RFC4: variants seen among roughly 807,000 people sequenced by gnomAD.
RFC4 encodes the protein A1 37 kDa subunit.
A neutral mutation model predicts 47.6 loss-of-function variants in RFC4; 38 were observed. The observed-to-expected ratio is 0.80, with a 90% CI of 0.62 to 1.05. The LOEUF (loss-of-function observed/expected upper bound fraction) is 1.05, where lower values mean the gene tolerates loss of function less well. RFC4 is among the 50% of genes least tolerant of loss of function. The probability of loss-of-function intolerance (pLI) is 0.00; values close to 1 mark genes in which losing one functional copy is unlikely to be tolerated. For missense variants in RFC4, 489 were observed against 434.0 expected, an observed-to-expected ratio of 1.13 and a Z score of -1.13; for synonymous variants, 164 against 150.0, an observed-to-expected ratio of 1.09 and a Z score of -0.68.
Position 186,790,068 on chromosome 3 carries a change from C to CAGA in RFC4, c.997-5_997-4insTCT. 6.2e-7 allele frequency: 1 copy of CAGA among 1,612,788 alleles called. No individual in the cohort carries two copies. The highest frequency in any genetic ancestry group is 1.1e-5 in the South Asian group (1 of 90,970). ...CTGCTAGGCATTTGTCAACTTCCTACGAGAAAAATTTAAGAAATTAGCATC... is the reference window on the plus strand; with the variant it reads ...CTGCTAGGCATTTGTCAACTTCCTACAGAGAGAAAAATTTAAGAAATTAGCATC... On this transcript the variant is annotated splice_polypyrimidine_tract_variant and splice_region_variant and intron_variant, in intron 10 of 10. Transcript: ENST00000296273.
At chr3:186,799,842 G>A (rs528709853) in intron 3 of RFC4, among the ~76,000 whole-genome samples, 1 of 151,884 alleles carries the variant, frequency 6.6e-6, no homozygotes, top group Non-Finnish European at 1.5e-5. Context: ...AATTAAAATG[G>A]TATATACTGT....
In RFC4 at chr3:186,801,109, C is replaced by T; in HGVS notation, c.210+8G>A. On this transcript the variant is annotated splice_region_variant and intron_variant, in intron 3 of 10. Transcript: ENST00000296273. ...TCCCAATGACATTAAACACCATTTG[C>T]AACTCACATCTGCTCCTTCTAAAGA... The T allele has an allele frequency of 6.2e-7, 1 of 1,603,008 alleles. No homozygotes were observed. The highest frequency in any genetic ancestry group is 8.5e-7 in the Non-Finnish European group (1 of 1,169,908).
At chr3:186,803,370 CA>C (rs1560094543) in intron 2 of RFC4, among the ~76,000 whole-genome samples, 1 of 151,616 alleles carries the variant, frequency 6.6e-6, no homozygotes, top group Non-Finnish European at 1.5e-5. Context: ...AAAAGGCAAG[CA>C]AAAAACAAAA....
rs1722017332 is a variant in RFC4, at chr3:186,789,923, T to A, written c.*46A>T. On this transcript the variant is annotated 3_prime_UTR_variant, in exon 11 of 11. Coordinates refer to ENST00000296273, the MANE Select transcript of RFC4 (RefSeq NM_002916.5). ...GGTGCTTTTGGTCATTTTATTTTTATTACAACTTCATTATTTACAAAACCC... is the reference window on the plus strand; with the variant it reads ...GGTGCTTTTGGTCATTTTATTTTTAATACAACTTCATTATTTACAAAACCC... 5 of 1,214,900 alleles carry A rather than the reference T, an allele frequency of 4.1e-6. No individual in the cohort carries two copies. Among genetic ancestry groups the A allele is most frequent in the Non-Finnish European group, 6.0e-6 (5 of 836,554 alleles). The allele number at this position is 1,214,900 out of a possible 1,614,324, so 75.3% of individuals were successfully genotyped here.
At chr3:186,797,909 G>A (rs1722275216) in intron 3 of RFC4, among the ~76,000 whole-genome samples, 1 of 152,172 alleles carries the variant, frequency 6.6e-6, no homozygotes, top group Non-Finnish European at 1.5e-5. Context: ...AAGCTGGAAT[G>A]AGAAACCTTT....
chr3:186,790,757 T>C (rs756264935), intron 8 of RFC4, among the ~76,000 whole-genome samples: 2 of 152,184 alleles, frequency 1.3e-5, no homozygotes, highest in African/African-American at 2.4e-5. Flanking sequence ...ACTGATTTCT[T>C]TAAAGGGGAA....
chr3:186,792,755 T>A, intron 6 of RFC4, 49 bp downstream of exon 6: 1 of 1,568,994 alleles, frequency 6.4e-7, no homozygotes. Flanking sequence ...CCTAATTGGG[T>A]TATGAAAATA....
chr3:186,794,919 G>T, intron 4 of RFC4, 142 bp from the exon 5 acceptor site: 1 of 884,446 alleles, frequency 1.1e-6, no homozygotes, highest in Non-Finnish European at 1.7e-6. Context: ...TTGCATTCTC[G>T]CTTCAGCAGA....
chr3:186,794,993 T>C, intron 4 of RFC4: 2 of 526,506 alleles, frequency 3.8e-6, no homozygotes. Flanking sequence ...TTACATAACA[T>C]ATACAATTTC....
chr3:186,791,795 A>C lies in RFC4; in HGVS notation c.731T>G (p.Phe244Cys). The C allele has an allele frequency of 6.2e-7, 1 of 1,611,182 alleles. No individual in the cohort carries two copies. The highest frequency in any genetic ancestry group is 8.5e-7 in the Non-Finnish European group (1 of 1,177,338). Residue 244 changes from phenylalanine to cysteine, a missense_variant, in exon 8 of 11, where the codon TTT becomes TGT. Phe to Cys is a radical substitution (Grantham distance 205). Coordinates refer to ENST00000296273, the MANE Select transcript of RFC4 (RefSeq NM_002916.5). Reference protein sequence around the residue: ...SEGDLRKAITFLQSATRLTGG... With the variant: ...SEGDLRKAITCLQSATRLTGG... ...TGTTAATCGAGTAGCGCTTTGAAGA[A>C]ATGTAATGGCTTTTCTTAAGTCTCC...
intron 1 of RFC4, among the ~76,000 whole-genome samples, chr3:186,805,142 C>T (rs977740983): frequency 2.0e-4 from 30 of 152,190 alleles, no homozygotes; most frequent in African/African-American, 7.2e-4. Context: ...ATGGACTCTT[C>T]GGCAATTAAA....
In RFC4 at chr3:186,793,097, C is replaced by G; in HGVS notation, c.411-150G>C. Reference sequence around the variant, plus strand: ...TGTTCACAAAGTTGTGCAACCATTACCACAATCTAATTTTAGAACATTTTT... The same window carrying G: ...TGTTCACAAAGTTGTGCAACCATTAGCACAATCTAATTTTAGAACATTTTT... On this transcript the variant is annotated intron_variant, in intron 5 of 10. Transcript: ENST00000296273. This position sits in a 1 kb window ranked among gnomAD's most constrained non-coding sequence, Gnocchi z 4.2. 4.4e-6 allele frequency: 3 copies of G among 676,670 alleles called. No homozygotes were observed. Among genetic ancestry groups the G allele is most frequent in the Non-Finnish European group, 7.1e-6 (3 of 420,734 alleles). The allele number at this position is 676,670 out of a possible 1,614,324, so 41.9% of individuals were successfully genotyped here.
rs140431205 is a variant in RFC4, at chr3:186,792,822, A to T, written c.536T>A (p.Ile179Asn). Residue 179 changes from isoleucine (I) to asparagine (N), a missense_variant, in exon 6 of 11, where the codon ATC (isoleucine) becomes AAC (asparagine). Ile to Asn is a moderately radical substitution (Grantham distance 149, BLOSUM62 -3). Transcript: ENST00000296273. ...TACATACCGACTGACATAGTTACAG[A>T]TAAGACAGAATCGGGTGGTTTTCGA... Reference protein sequence around the residue: ...KESKTTRFCLICNYVSRIIEP... With the variant: ...KESKTTRFCLNCNYVSRIIEP... The T allele has an allele frequency of 2.5e-6, 4 of 1,613,668 alleles. No homozygotes were observed. The African/African-American group carries it at 4.0e-5, about 16-fold the overall frequency.
At position 186,804,724 on chromosome 3, in the gene RFC4, C is replaced by T. The variant is rs1215812255; in HGVS notation, c.-11G>A. The T allele has an allele frequency of 6.2e-7, 1 of 1,608,514 alleles. No individual in the cohort carries two copies. Among genetic ancestry groups the T allele is most frequent in the Non-Finnish European group, 8.5e-7 (1 of 1,177,288 alleles). Reference sequence around the variant, plus strand: ...AAGAAATGCTTGCATGGTACTTCACCCTGGTCAGGTGCAAGACAGAAAAAA... The same window carrying T: ...AAGAAATGCTTGCATGGTACTTCACTCTGGTCAGGTGCAAGACAGAAAAAA... On this transcript the variant is annotated splice_region_variant and 5_prime_UTR_variant, in exon 2 of 11. Coordinates refer to ENST00000296273, the MANE Select transcript of RFC4 (RefSeq NM_002916.5).
Position 186,796,008 on chromosome 3 carries a change from A to C in RFC4, c.291-1231T>G, listed in dbSNP as rs905306288. Among the ~76,000 whole-genome samples the C allele has an allele frequency of 6.7e-6, 1 of 148,338 alleles. No individual in the cohort carries two copies. Among genetic ancestry groups the C allele is most frequent in the Non-Finnish European group, 1.5e-5 (1 of 67,430 alleles). ...CACACTGTCAAAGCACTGTTTTTGA[A>C]ACTTCCCTCTAGTCTTTTACACACA... is the stretch of plus-strand genomic sequence containing the variant. On this transcript the variant is annotated intron_variant, in intron 4 of 10. Transcript: ENST00000296273. The surrounding 1 kb of genome is among the most constrained non-coding windows in gnomAD (Gnocchi z 4.2).
Position 186,797,599 on chromosome 3 carries a change from A to T in RFC4, c.226T>A (p.Phe76Ile). 1 of 1,608,474 alleles carries T rather than the reference A, an allele frequency of 6.2e-7. No homozygotes were observed. Among genetic ancestry groups the T allele is most frequent in the Non-Finnish European group, 8.5e-7 (1 of 1,175,910 alleles). Reference sequence around the variant, plus strand: ...TTTCCAGTTCCAGGTGGTCCGTAAAACAAGAGATTAGGAAGCTGTAGAAAT... The same window carrying T: ...TTTCCAGTTCCAGGTGGTCCGTAAATCAAGAGATTAGGAAGCTGTAGAAAT... ...LEGADLPNLL[F>I]YGPPGTGKTS... Residue 76 changes from phenylalanine (F) to isoleucine (I), a missense_variant, in exon 4 of 11, where the codon TTT becomes ATT. Coordinates refer to ENST00000296273, the MANE Select transcript of RFC4 (RefSeq NM_002916.5).
At chr3:186,801,347 A>C (rs1648703) in intron 2 of RFC4, 152 bp from the exon 3 acceptor site, 118,642 of 622,486 alleles carry the variant, frequency 0.19, 12,568 homozygotes, top group African/African-American at 0.24. Context: ...ATAGGTGGAA[A>C]CCCCACTTGT....
At position 186,794,698 on chromosome 3, in the gene RFC4, T is replaced by G; in HGVS notation, c.370A>C (p.Lys124Gln). Residue 124 changes from lysine (K) to glutamine (Q), a missense_variant, in exon 5 of 11, where the codon AAA (lysine) becomes CAA (glutamine). Physicochemically the swap from Lys to Gln is moderately conservative, Grantham distance 53 (BLOSUM62 1). Transcript: ENST00000296273. ...RGIQVVREKVKNFAQLTVSGS... is the reference protein window; with the variant it reads ...RGIQVVREKVQNFAQLTVSGS... ...GACACAGTTAATTGAGCAAAATTTTTCACTTTCTCTCGAACTACTTGTATT... is the reference window on the plus strand; with the variant it reads ...GACACAGTTAATTGAGCAAAATTTTGCACTTTCTCTCGAACTACTTGTATT... 1 of 1,614,126 alleles carries G rather than the reference T, an allele frequency of 6.2e-7. No individual in the cohort carries two copies. The highest frequency in any genetic ancestry group is 8.5e-7 in the Non-Finnish European group (1 of 1,180,000).
chr3:186,794,895 G>A, intron 4 of RFC4, 118 bp from the exon 5 acceptor site: 1 of 1,116,662 alleles, frequency 9.0e-7, no homozygotes, highest in Non-Finnish European at 1.3e-6. Flanking sequence ...TGGATAGAAG[G>A]CACACAATCA....
Sources: allele counts gnomAD v4.1 joint callset (sites outside exome capture counted in the v4.1 genomes callset), GRCh38; gene constraint gnomAD v4.1.1; non-coding constraint Gnocchi (gnomAD v3.1); transcripts MANE v1.5; gene names NCBI Gene and HGNC (gene_info 2026-07-23, HGNC 2026-07-21).